Variants in SORCS2 observed in about 807,000 individuals in gnomAD.
SORCS2 encodes the protein VPS10 domain-containing receptor SorCS2.
In SORCS2, 100 loss-of-function variants were observed where a neutral mutation model predicts 141.6. That is an observed-to-expected ratio of 0.71 (90% CI 0.60 to 0.83). The LOEUF (loss-of-function observed/expected upper bound fraction) is 0.83, where lower values mean the gene tolerates loss of function less well. Among genes scored for constraint, SORCS2 ranks in the 40% least tolerant of loss-of-function variants. The pLI is 0.00. For synonymous variants in SORCS2, 789 were observed against 676.9 expected, an observed-to-expected ratio of 1.17 and a Z score of -2.57; for missense variants, 1,646 against 1,560.2, an observed-to-expected ratio of 1.05 and a Z score of -0.93.
intron 5 of SORCS2, among the ~76,000 whole-genome samples, chr4:7,660,436 A>G (rs1218906682): frequency 6.6e-6 from 1 of 152,134 alleles, no homozygotes; most frequent in East Asian, 1.9e-4. Context: ...AGAGATATCT[A>G]TGGAACTCAG....
At chr4:7,689,614 T>C (rs1724089174) in intron 11 of SORCS2, 26 bp downstream of exon 11, 2 of 1,553,720 alleles carry the variant, frequency 1.3e-6, no homozygotes, top group East Asian at 4.8e-5. Context: ...CACAGGTGGC[T>C]GGCAGGTGCC....
chr4:7,434,426 G>C lies in SORCS2; in HGVS notation c.548+38071G>C, dbSNP rs1367682220. The C allele has an allele frequency of 6.2e-7, 1 of 1,608,756 alleles. No homozygotes were observed. On this transcript the variant is annotated intron_variant, in intron 2 of 26. Coordinates refer to ENST00000507866, the MANE Select transcript of SORCS2 (RefSeq NM_020777.3). Reference sequence around the variant, plus strand: ...TCAAAGGTGTCCTCTTTGGAGAGTGGCCTCAGGGTGGCCAGGTGCCTCTGC... The same window carrying C: ...TCAAAGGTGTCCTCTTTGGAGAGTGCCCTCAGGGTGGCCAGGTGCCTCTGC...
chr4:7,420,353 A>G (rs1217690079), intron 2 of SORCS2, among the ~76,000 whole-genome samples: 1 of 152,118 alleles, frequency 6.6e-6, no homozygotes, highest in Non-Finnish European at 1.5e-5. Context: ...TCCACCTTGC[A>G]GGTTTGTGGG....
chr4:7,525,421 G>A (rs1411188032), intron 2 of SORCS2, among the ~76,000 whole-genome samples: 1 of 152,014 alleles, frequency 6.6e-6, no homozygotes, highest in Non-Finnish European at 1.5e-5. Flanking sequence ...GGCTGCCCAG[G>A]GAGCAGCAGT....
At chr4:7,613,849 G>A (rs966242996) in intron 3 of SORCS2, among the ~76,000 whole-genome samples, 5 of 150,560 alleles carry the variant, frequency 3.3e-5, no homozygotes, top group East Asian at 2.0e-4. Flanking sequence ...TCACTCATCC[G>A]CCATCTACCC....
intron 1 of SORCS2, among the ~76,000 whole-genome samples, chr4:7,212,964 T>A (rs1444060783): frequency 6.6e-6 from 1 of 152,208 alleles, no homozygotes; most frequent in African/African-American, 2.4e-5. Context: ...CCCGTGGCCA[T>A]TGGAAAATAC....
intron 1 of SORCS2, among the ~76,000 whole-genome samples, chr4:7,388,040 A>G (rs1477521273): frequency 1.4e-5 from 2 of 140,000 alleles, no homozygotes; most frequent in Non-Finnish European, 3.1e-5. Context: ...GCACACATGC[A>G]CACACACATG....
intron 1 of SORCS2, among the ~76,000 whole-genome samples, chr4:7,220,528 G>A (rs1728641443): frequency 6.6e-6 from 1 of 152,118 alleles, no homozygotes; most frequent in Non-Finnish European, 1.5e-5. Context: ...GGGCTTGCGT[G>A]ATTTTCAAGC....
At chr4:7,730,901 C>G (rs1048854071) in intron 23 of SORCS2, among the ~76,000 whole-genome samples, 2 of 152,176 alleles carry the variant, frequency 1.3e-5, no homozygotes, top group Non-Finnish European at 2.9e-5. Flanking sequence ...TAAAAATGAA[C>G]CAGAAGCTCA....
rs140402034 is a variant in SORCS2, at chr4:7,435,413, C to G, written c.548+39058C>G. ...CCCCCTGGATGCCACTGTTTTCTAA[C>G]GTGGCCTCAGGGCCACGTGCCCAGC... is the stretch of plus-strand genomic sequence containing the variant. On this transcript the variant is annotated intron_variant, in intron 2 of 26. Coordinates refer to ENST00000507866, the MANE Select transcript of SORCS2 (RefSeq NM_020777.3). 4.2e-3 allele frequency among the ~76,000 whole-genome samples: 633 copies of G among 152,358 alleles called. 2 individuals carry two copies. Among genetic ancestry groups the G allele is most frequent in the Non-Finnish European group, 6.9e-3 (469 of 68,040 alleles).
intron 2 of SORCS2, among the ~76,000 whole-genome samples, chr4:7,462,227 A>G (rs1252339598): frequency 6.6e-6 from 1 of 152,116 alleles, no homozygotes; most frequent in Non-Finnish European, 1.5e-5. Flanking sequence ...TCACGCAGGG[A>G]CAGGTGGATG....
chr4:7,695,320 GTGGA>G (rs1553905440), intron 11 of SORCS2, among the ~76,000 whole-genome samples: 2 of 41,276 alleles, frequency 4.8e-5, no homozygotes, highest in African/African-American at 1.1e-4. Flanking sequence ...GGGTGGGTGG[GTGGA>G]TGGATGGATG....
intron 11 of SORCS2, among the ~76,000 whole-genome samples, chr4:7,695,729 TGGA>T (rs1724627777): frequency 1.7e-5 from 1 of 57,144 alleles, no homozygotes; most frequent in Non-Finnish European, 3.5e-5. Flanking sequence ...GATGGATGGA[TGGA>T]TTGGTGGGTG....
chr4:7,391,584 C>T (rs1450360864), intron 1 of SORCS2, among the ~76,000 whole-genome samples: 4 of 152,266 alleles, frequency 2.6e-5, no homozygotes, highest in African/African-American at 4.8e-5. Flanking sequence ...GGGTTCTTTT[C>T]CTTCTGGGGA....
At chr4:7,644,226 G>A (rs531213146) in intron 4 of SORCS2, among the ~76,000 whole-genome samples, 1 of 152,294 alleles carries the variant, frequency 6.6e-6, no homozygotes, top group African/African-American at 2.4e-5. Flanking sequence ...GAACCTCCCA[G>A]ACTTATCAAG....
Position 7,692,079 on chromosome 4 carries a change from T to G in SORCS2, c.1591+2491T>G, listed in dbSNP as rs561374442. Among the ~76,000 whole-genome samples the G allele has an allele frequency of 3.9e-3, 588 of 152,284 alleles. 4 individuals are homozygous for G. Among genetic ancestry groups the G allele is most frequent in the African/African-American group, 0.014 (565 of 41,564 alleles). On this transcript the variant is annotated intron_variant, in intron 11 of 26. Coordinates refer to ENST00000507866, the MANE Select transcript of SORCS2 (RefSeq NM_020777.3). ...TCTTGGCCAGGGCTTTCCTGGAAGG[T>G]GGAGCCAGGCATGCAAGGTGGGCCA...
At chr4:7,592,025 G>T (rs1337291781) in intron 3 of SORCS2, among the ~76,000 whole-genome samples, 1 of 152,146 alleles carries the variant, frequency 6.6e-6, no homozygotes, top group East Asian at 1.9e-4. Context: ...AATTGGCAGA[G>T]CAGCTAGGAA....
At chr4:7,315,571 C>A (rs1718501557) in intron 1 of SORCS2, among the ~76,000 whole-genome samples, 1 of 152,222 alleles carries the variant, frequency 6.6e-6, no homozygotes, top group African/African-American at 2.4e-5. Context: ...GAGGACTTTG[C>A]TGTGGTGCGC....
rs539304512 is a variant in SORCS2, at chr4:7,462,580, A to G, written c.548+66225A>G. Among the ~76,000 whole-genome samples the G allele has an allele frequency of 7.2e-5, 11 of 152,088 alleles. No individual in the cohort carries two copies. The East Asian group carries it at 2.0e-3, about 27-fold the overall frequency. Reference sequence around the variant, plus strand: ...TGCACCTGGAGGCGACTCACAGTCCAAGCATGCGTGGCACTGTCATCTGTT... The same window carrying G: ...TGCACCTGGAGGCGACTCACAGTCCGAGCATGCGTGGCACTGTCATCTGTT... On this transcript the variant is annotated intron_variant, in intron 2 of 26. Transcript: ENST00000507866.
Sources: gnomAD v4.1 joint callset for allele counts (sites outside exome capture counted in the v4.1 genomes callset) on GRCh38, gnomAD v4.1.1 for gene constraint, MANE v1.5 for transcripts, NCBI Gene and HGNC (gene_info 2026-07-23, HGNC 2026-07-21) for gene names.